L3MBTL4: variants seen among roughly 807,000 people sequenced by gnomAD.
The protein encoded by L3MBTL4 is lethal(3)malignant brain tumor-like protein 4.
L3MBTL4 carries 70 observed loss-of-function variants against 84.5 expected under a neutral mutation model. The ratio of observed to expected loss-of-function variants is 0.83; its 90% confidence interval spans 0.68 to 1.01. L3MBTL4 has a LOEUF of 1.01. L3MBTL4 is among the 50% of genes least tolerant of loss of function. The pLI, the probability that L3MBTL4 is intolerant of heterozygous loss-of-function variation, is 0.00. For synonymous variants in L3MBTL4, 274 were observed against 259.8 expected (o/e 1.05, Z -0.52); for missense variants, 715 against 754.8 (o/e 0.95, Z 0.62).
At chr18:6,124,397 T>C (rs1467597007) in intron 14 of L3MBTL4, among the ~76,000 whole-genome samples, 8 of 149,356 alleles carry the variant, frequency 5.4e-5, no homozygotes, top group African/African-American at 2.4e-5. Flanking sequence ...TATAGACATA[T>C]ATAGGGGGAT....
chr18:6,043,468 C>T (rs1429504171), intron 16 of L3MBTL4, among the ~76,000 whole-genome samples: 2 of 152,182 alleles, frequency 1.3e-5, no homozygotes, highest in Non-Finnish European at 2.9e-5. Flanking sequence ...TCATCACCTG[C>T]TGCTCATCCC....
At chr18:6,377,926 A>T (rs919066671) in intron 1 of L3MBTL4, among the ~76,000 whole-genome samples, 1 of 152,214 alleles carries the variant, frequency 6.6e-6, no homozygotes, top group Non-Finnish European at 1.5e-5. Flanking sequence ...ACTAATTTAC[A>T]ATCCCACCAA....
rs558655111 is a variant in L3MBTL4, at chr18:6,112,597, T to C, written c.1200-19069A>G. On this transcript the variant is annotated intron_variant, in intron 14 of 18. Transcript: ENST00000317931. ...CTGGATAAGCGCAGGATGTCCCTAT[T>C]TTAAAATCTCTGCTCCGTATTCAGA... 1.5e-3 allele frequency among the ~76,000 whole-genome samples: 229 copies of C among 152,306 alleles called. 1 individual carries two copies. The highest frequency in any genetic ancestry group is 5.2e-3 in the African/African-American group (215 of 41,574).
At chr18:6,342,809 A>AAG (rs2052674072) in intron 1 of L3MBTL4, among the ~76,000 whole-genome samples, 1 of 152,100 alleles carries the variant, frequency 6.6e-6, no homozygotes, top group African/African-American at 2.4e-5. Flanking sequence ...TTTTAAAAAA[A>AAG]GATCCAACTA....
intron 12 of L3MBTL4, among the ~76,000 whole-genome samples, chr18:6,174,592 C>T (rs1014654115): frequency 1.3e-4 from 19 of 151,858 alleles, no homozygotes; most frequent in African/African-American, 4.4e-4. Context: ...GATGATGTTC[C>T]GGTGTGATGG....
chr18:6,041,187 A>G (rs2056381716), intron 16 of L3MBTL4, among the ~76,000 whole-genome samples: 1 of 152,238 alleles, frequency 6.6e-6, no homozygotes, highest in Non-Finnish European at 1.5e-5. Flanking sequence ...ACTGCCCAGT[A>G]CATGCAGTCT....
At position 6,023,903 on chromosome 18, in the gene L3MBTL4, T is replaced by C. The variant is rs367962177; in HGVS notation, c.1445-54341A>G. On this transcript the variant is annotated intron_variant, in intron 16 of 18. Coordinates refer to ENST00000317931, the MANE Select transcript of L3MBTL4 (RefSeq NM_001330559.2). ...CCAATGCAGTTCAGCTGCAACAAAA[T>C]GCCTGTGCGAATACATAGCTATTAC... 6.0e-4 allele frequency among the ~76,000 whole-genome samples: 92 copies of C among 152,336 alleles called. 1 individual carries two copies. In the East Asian group the frequency reaches 7.3e-3, roughly 12 times the overall value.
intron 16 of L3MBTL4, among the ~76,000 whole-genome samples, chr18:6,046,393 T>C (rs776699618): frequency 6.6e-5 from 10 of 152,210 alleles, no homozygotes; most frequent in Non-Finnish European, 1.0e-4. Context: ...AATTTGATAG[T>C]TGACCAAGTA....
chr18:6,230,776 A>G (rs977413111), intron 10 of L3MBTL4, among the ~76,000 whole-genome samples: 1 of 152,154 alleles, frequency 6.6e-6, no homozygotes, highest in African/African-American at 2.4e-5. Context: ...CTTTTTAATA[A>G]TAGCCATTCT....
At chr18:6,235,981 G>A (rs1251526429) in intron 10 of L3MBTL4, among the ~76,000 whole-genome samples, 4 of 152,150 alleles carry the variant, frequency 2.6e-5, no homozygotes, top group Non-Finnish European at 5.9e-5. Context: ...GTGTTCATGG[G>A]AAGAGAAACT....
At chr18:6,303,144 G>A (rs2050419095) in intron 3 of L3MBTL4, among the ~76,000 whole-genome samples, 1 of 151,962 alleles carries the variant, frequency 6.6e-6, no homozygotes, top group Non-Finnish European at 1.5e-5. Flanking sequence ...GTCTGTTTTT[G>A]AGATGAAGTC....
chr18:6,222,608 GTTGT>G, intron 10 of L3MBTL4, among the ~76,000 whole-genome samples: 1 of 152,180 alleles, frequency 6.6e-6, no homozygotes, highest in Non-Finnish European at 1.5e-5. Flanking sequence ...AAAAGCTAGG[GTTGT>G]TTTTCTCTTA....
At chr18:6,342,451 T>C (rs989750635) in intron 1 of L3MBTL4, among the ~76,000 whole-genome samples, 2 of 151,864 alleles carry the variant, frequency 1.3e-5, no homozygotes, top group African/African-American at 4.8e-5. Context: ...TTTTGTGGGG[T>C]GAAGTAAATG....
intron 16 of L3MBTL4, among the ~76,000 whole-genome samples, chr18:6,055,339 C>A (rs369528293): frequency 6.6e-6 from 1 of 152,266 alleles, no homozygotes; most frequent in African/African-American, 2.4e-5. Context: ...TTGCTCAGAC[C>A]TCATTATCTT....
At chr18:6,157,556 G>A (rs1396314263) in intron 13 of L3MBTL4, among the ~76,000 whole-genome samples, 2 of 152,092 alleles carry the variant, frequency 1.3e-5, no homozygotes, top group Non-Finnish European at 2.9e-5. Flanking sequence ...CAGCCATATG[G>A]TGTATTTACA....
At chr18:6,269,424 T>G (rs1247520394) in intron 4 of L3MBTL4, among the ~76,000 whole-genome samples, 2 of 151,816 alleles carry the variant, frequency 1.3e-5, no homozygotes, top group African/African-American at 4.8e-5. Flanking sequence ...ACCACTACAC[T>G]CCAGCTTGGG....
intron 10 of L3MBTL4, among the ~76,000 whole-genome samples, chr18:6,235,797 C>G (rs1364540868): frequency 6.6e-6 from 1 of 152,096 alleles, no homozygotes; most frequent in Non-Finnish European, 1.5e-5. Flanking sequence ...TTAAATACCA[C>G]CAAATTGCAC....
intron 16 of L3MBTL4, among the ~76,000 whole-genome samples, chr18:5,996,518 A>G (rs505145): frequency 0.74 from 111,961 of 152,140 alleles, 42,617 homozygotes; most frequent in African/African-American, 0.92. Flanking sequence ...CGGGACCAGC[A>G]TGCAGCACTC....
intron 1 of L3MBTL4, among the ~76,000 whole-genome samples, chr18:6,350,665 T>TGGTTCCTA (rs2053140689): frequency 6.6e-6 from 1 of 152,060 alleles, no homozygotes; most frequent in African/African-American, 2.4e-5. Context: ...AACGGTATGG[T>TGGTTCCTA]GGTTCCTAAA....
Sources: allele counts gnomAD v4.1 joint callset (sites outside exome capture counted in the v4.1 genomes callset), GRCh38; gene constraint gnomAD v4.1.1; transcripts MANE v1.5; gene names NCBI Gene and HGNC (gene_info 2026-07-23, HGNC 2026-07-21).